NRP2: variants seen among roughly 807,000 people sequenced by gnomAD.
NRP2 encodes neuropilin 2, also known as neuropilin-2.
NRP2 carries 52 observed loss-of-function variants against 110.4 expected under a neutral mutation model. The observed-to-expected ratio is 0.47, with a 90% confidence interval of 0.38 to 0.59. NRP2 has a LOEUF of 0.59. Among genes scored for constraint, NRP2 ranks in the 20% least tolerant of loss-of-function variants. NRP2 has a pLI of 0.00. For synonymous variants in NRP2, 508 were observed against 468.9 expected (o/e 1.08, Z -1.08); for missense variants, 1,049 against 1,203.0 (o/e 0.87, Z 1.89).
Position 205,763,596 on chromosome 2 carries a change from T to C in NRP2, c.2045-78T>C. The C allele has an allele frequency of 1.3e-6, 2 of 1,596,642 alleles. No individual in the cohort carries two copies. The highest frequency in any genetic ancestry group is 1.7e-6 in the Non-Finnish European group (2 of 1,165,652). On this transcript the variant is annotated intron_variant, in intron 12 of 16. Transcript: ENST00000357785. The surrounding 1 kb of genome is among the most constrained non-coding windows in gnomAD (Gnocchi z 4.0). ...ACCGAAACTCAGTCCCAACTTTCCC[T>C]TGGAGAGGCCACAGCAGCACACTGG... is the stretch of plus-strand genomic sequence containing the variant.
chr2:205,766,771 TG>T lies in NRP2; in HGVS notation c.2405-11del, dbSNP rs745872964. 1 of 1,612,804 alleles carries T rather than the reference TG, an allele frequency of 6.2e-7. No individual in the cohort carries two copies. The highest frequency in any genetic ancestry group is 8.5e-7 in the Non-Finnish European group (1 of 1,179,224). ...CTTTAACTAAGTCCAATTTTTTGTT[TG>T]TTTTTTTCAGAACCCATCTCGGCTT... On this transcript the variant is annotated splice_polypyrimidine_tract_variant and intron_variant, in intron 14 of 16. Coordinates refer to ENST00000357785, the MANE Select transcript of NRP2 (RefSeq NM_003872.3).
At chr2:205,758,575 C>T (rs918162093) in intron 12 of NRP2, among the ~76,000 whole-genome samples, 2 of 152,178 alleles carry the variant, frequency 1.3e-5, no homozygotes, top group Admixed American at 6.5e-5. Flanking sequence ...CCTCTTCACC[C>T]TTTTGAACTC....
intron 4 of NRP2, among the ~76,000 whole-genome samples, 200 bp downstream of exon 4, chr2:205,722,908 C>A (rs1183455881): frequency 6.6e-6 from 1 of 152,174 alleles, no homozygotes; most frequent in Non-Finnish European, 1.5e-5. Flanking sequence ...GGAAATATTT[C>A]TTTAGAAAAG....
chr2:205,683,421 C>G, intron 1 of NRP2, 58 bp downstream of exon 1: 1 of 1,293,400 alleles, frequency 7.7e-7, no homozygotes, highest in East Asian at 2.3e-5. Context: ...TAAAAGTGAC[C>G]GCTAAAGCAG....
intron 7 of NRP2, among the ~76,000 whole-genome samples, chr2:205,736,375 AT>A (rs914332550): frequency 2.0e-4 from 30 of 152,180 alleles, no homozygotes; most frequent in African/African-American, 7.2e-4. Context: ...TAAATAAAAA[AT>A]ATATGTCCTC....
chr2:205,748,797 C>A (rs2057587322), intron 10 of NRP2, among the ~76,000 whole-genome samples: 1 of 152,126 alleles, frequency 6.6e-6, no homozygotes, highest in Admixed American at 6.5e-5. Flanking sequence ...TTTCCAGAAC[C>A]CCTTTCACCC....
At chr2:205,754,133 C>T (rs2057696044) in intron 12 of NRP2, among the ~76,000 whole-genome samples, 1 of 152,172 alleles carries the variant, frequency 6.6e-6, no homozygotes, top group African/African-American at 2.4e-5. Flanking sequence ...GTACTTCTGG[C>T]CTGGACCTGA....
chr2:205,704,081 C>G (rs901500264), intron 2 of NRP2, among the ~76,000 whole-genome samples: 2 of 152,154 alleles, frequency 1.3e-5, no homozygotes, highest in African/African-American at 4.8e-5. Flanking sequence ...CTATGTCCAG[C>G]GACCTCCCCC....
chr2:205,691,620 A>G (rs2056316719), intron 1 of NRP2, among the ~76,000 whole-genome samples: 1 of 152,172 alleles, frequency 6.6e-6, no homozygotes, highest in Non-Finnish European at 1.5e-5. Context: ...ACAATATTAT[A>G]TTACTTTTTT....
chr2:205,769,089 G>A (rs1364123406), intron 15 of NRP2, among the ~76,000 whole-genome samples: 1 of 152,110 alleles, frequency 6.6e-6, no homozygotes, highest in Non-Finnish European at 1.5e-5. Flanking sequence ...TTCCTCTTAT[G>A]GTCAGGACAG....
At position 205,774,363 on chromosome 2, in the gene NRP2, G is replaced by A. The variant is rs959643435; in HGVS notation, c.2425+7560G>A. Among the ~76,000 whole-genome samples the A allele has an allele frequency of 4.6e-5, 7 of 152,182 alleles. No individual in the cohort carries two copies. In the South Asian group the frequency reaches 6.2e-4, roughly 14 times the overall value. On this transcript the variant is annotated intron_variant, in intron 15 of 16. Transcript: ENST00000357785. ...AACTAGTAAAAGACAGAATTAGTTT[G>A]GGGACAAAGACAAAGAGGGCAGGCA...
At chr2:205,752,607 A>T (rs2057666460) in intron 11 of NRP2, 1 of 553,456 alleles carries the variant, frequency 1.8e-6, no homozygotes, top group Non-Finnish European at 3.2e-6. Context: ...ATAATTGCTT[A>T]CTATGGGAAC....
chr2:205,794,396 C>A (rs2058333155), intron 16 of NRP2, among the ~76,000 whole-genome samples: 1 of 152,216 alleles, frequency 6.6e-6, no homozygotes, highest in Non-Finnish European at 1.5e-5. Context: ...AGGCGTGAGC[C>A]ACCGCGCCCG....
chr2:205,721,000 G>T (rs551500181), intron 3 of NRP2, among the ~76,000 whole-genome samples: 1 of 152,218 alleles, frequency 6.6e-6, no homozygotes, highest in African/African-American at 2.4e-5. Context: ...AAAGTAGGAA[G>T]TGATGGATGG....
intron 3 of NRP2, among the ~76,000 whole-genome samples, chr2:205,721,452 A>G (rs2057010040): frequency 6.6e-6 from 1 of 152,180 alleles, no homozygotes; most frequent in African/African-American, 2.4e-5. Context: ...TCGTGGGTCC[A>G]TGGGTCTGGG....
At chr2:205,737,716 A>G (rs1460852817) in intron 7 of NRP2, among the ~76,000 whole-genome samples, 3 of 152,254 alleles carry the variant, frequency 2.0e-5, no homozygotes, top group East Asian at 1.9e-4. Flanking sequence ...AAGATCCTTC[A>G]TTTGATTCAA....
intron 2 of NRP2, among the ~76,000 whole-genome samples, chr2:205,714,682 G>A (rs2056859956): frequency 1.3e-5 from 2 of 152,148 alleles, no homozygotes; most frequent in Non-Finnish European, 2.9e-5. Flanking sequence ...TCTCCCTGGG[G>A]GTTGAAACTG....
chr2:205,773,932 C>T (rs1339805770), intron 15 of NRP2, among the ~76,000 whole-genome samples: 6 of 152,136 alleles, frequency 3.9e-5, no homozygotes, highest in Non-Finnish European at 8.8e-5. Context: ...AAAGCTAATC[C>T]CTGAGGATTT....
chr2:205,764,144 T>A, intron 13 of NRP2: 1 of 638,330 alleles, frequency 1.6e-6, no homozygotes, highest in East Asian at 2.8e-5. Context: ...TGTTGCCTTT[T>A]ATATTGCTGA....
Sources: gnomAD v4.1 joint callset for allele counts (sites outside exome capture counted in the v4.1 genomes callset) on GRCh38, gnomAD v4.1.1 for gene constraint, Gnocchi (gnomAD v3.1) non-coding constraint, MANE v1.5 for transcripts, NCBI Gene and HGNC (gene_info 2026-07-23, HGNC 2026-07-21) for gene names.